The following TTLL5 variants were observed in gnomAD, a reference collection of about 807,000 sequenced individuals.
TTLL5 encodes the protein tubulin polyglutamylase TTLL5.
A neutral mutation model predicts 168.4 loss-of-function variants in TTLL5; 132 were observed. The observed-to-expected ratio is 0.78, with a 90% confidence interval of 0.68 to 0.91. TTLL5 has a LOEUF of 0.91. Ranked by LOEUF, TTLL5 falls within the 40% of genes least tolerant of loss-of-function variation. The pLI, the probability that TTLL5 is intolerant of heterozygous loss-of-function variation, is 0.00. For missense variants in TTLL5, 1,545 were observed against 1,581.5 expected (o/e 0.98, Z 0.39); for synonymous variants, 546 against 558.6 (o/e 0.98, Z 0.32).
At chr14:75,862,288 A>G (rs549395639) in intron 28 of TTLL5, among the ~76,000 whole-genome samples, 5 of 152,328 alleles carry the variant, frequency 3.3e-5, no homozygotes, top group African/African-American at 9.6e-5. Flanking sequence ...CAATGCTGCT[A>G]TGAACATTGG....
Position 75,690,007 on chromosome 14 carries a change from G to A in TTLL5, c.372-185G>A, listed in dbSNP as rs560529245. On this transcript the variant is annotated intron_variant, in intron 5 of 31. Coordinates refer to ENST00000298832, the MANE Select transcript of TTLL5 (RefSeq NM_015072.5). ...AGATTTTATCTTAATGAAAAAATCTGACCAAAAAACCCATTTGATAAAAAT... is the reference window on the plus strand; with the variant it reads ...AGATTTTATCTTAATGAAAAAATCTAACCAAAAAACCCATTTGATAAAAAT... 22 of 580,212 alleles carry A rather than the reference G, an allele frequency of 3.8e-5. No individual in the cohort carries two copies. The South Asian group carries it at 5.5e-4, about 15-fold the overall frequency. The allele number at this position is 580,212 out of a possible 1,614,324, so 35.9% of individuals were successfully genotyped here.
intron 26 of TTLL5, among the ~76,000 whole-genome samples, chr14:75,787,044 A>G (rs1297297871): frequency 6.6e-6 from 1 of 152,098 alleles, no homozygotes; most frequent in African/African-American, 2.4e-5. Flanking sequence ...GAGGCAAGAG[A>G]ATTGCTTGAA....
intron 28 of TTLL5, among the ~76,000 whole-genome samples, chr14:75,824,157 G>A (rs1894986577): frequency 6.6e-6 from 1 of 152,110 alleles, no homozygotes; most frequent in South Asian, 2.1e-4. Flanking sequence ...CTGGGGAGGA[G>A]CAGTAAATAA....
chr14:75,746,259 T>G (rs1889602892), intron 17 of TTLL5, among the ~76,000 whole-genome samples: 1 of 152,198 alleles, frequency 6.6e-6, no homozygotes. Context: ...TTATTATTAT[T>G]ATATACTATG....
chr14:75,746,537 C>G (rs570995686), intron 17 of TTLL5, among the ~76,000 whole-genome samples: 3 of 147,026 alleles, frequency 2.0e-5, no homozygotes, highest in Non-Finnish European at 4.5e-5. Context: ...CTCTTTATAA[C>G]TGATTTCCTC....
At position 75,667,517 on chromosome 14, in the gene TTLL5, A is replaced by G. The variant is rs117543238; in HGVS notation, c.75-1899A>G. Among the ~76,000 whole-genome samples the G allele has an allele frequency of 2.3e-3, 355 of 152,354 alleles. 3 individuals are homozygous for G. In the East Asian group the frequency reaches 0.04, roughly 17 times the overall value. On this transcript the variant is annotated intron_variant, in intron 2 of 31. Coordinates refer to ENST00000298832, the MANE Select transcript of TTLL5 (RefSeq NM_015072.5). ...AGCCACAAAAAAATCCTTCCTGCTA[A>G]AAAAGGTACCCTATCAGCACCGTTT...
intron 12 of TTLL5, among the ~76,000 whole-genome samples, chr14:75,723,005 A>C (rs373081322): frequency 2.0e-5 from 3 of 152,124 alleles, no homozygotes; most frequent in African/African-American, 7.2e-5. Flanking sequence ...GTAACTCTAC[A>C]ATAGTATCTG....
intron 4 of TTLL5, among the ~76,000 whole-genome samples, chr14:75,683,118 T>C (rs532657859): frequency 9.8e-5 from 15 of 152,322 alleles, no homozygotes; most frequent in African/African-American, 3.6e-4. Flanking sequence ...TGTTGCTGTT[T>C]TATTTCTGGC....
intron 17 of TTLL5, among the ~76,000 whole-genome samples, chr14:75,751,813 G>A (rs1389541895): frequency 1.3e-5 from 2 of 152,166 alleles, no homozygotes; most frequent in African/African-American, 4.8e-5. Context: ...GAATTCTGGT[G>A]AGTCCATAAG....
intron 28 of TTLL5, among the ~76,000 whole-genome samples, chr14:75,849,676 G>A (rs887175226): frequency 3.3e-5 from 5 of 152,144 alleles, no homozygotes; most frequent in Non-Finnish European, 5.9e-5. Flanking sequence ...TTCCCTTCAA[G>A]GTAGAATTAC....
chr14:75,719,096 C>T (rs1295242819), intron 10 of TTLL5, among the ~76,000 whole-genome samples: 2 of 152,162 alleles, frequency 1.3e-5, no homozygotes, highest in Non-Finnish European at 2.9e-5. Flanking sequence ...TTCCAACATT[C>T]GTGGGAGGCT....
At chr14:75,757,715 C>A in intron 18 of TTLL5, 2 of 814,438 alleles carry the variant, frequency 2.5e-6, no homozygotes, top group Non-Finnish European at 3.6e-6. Flanking sequence ...CCCTCCTTGG[C>A]CTAATGTCAT....
In TTLL5 at chr14:75,715,432, A is replaced by G. The variant is rs1479127348; in HGVS notation, c.741-2429A>G. Among the ~76,000 whole-genome samples the G allele has an allele frequency of 2.0e-5, 3 of 152,314 alleles. No homozygotes were observed. In the East Asian group the frequency reaches 5.8e-4, roughly 29 times the overall value. On this transcript the variant is annotated intron_variant, in intron 9 of 31. Coordinates refer to ENST00000298832, the MANE Select transcript of TTLL5 (RefSeq NM_015072.5). The stretch of plus-strand genomic sequence containing the variant: ...TTAATCAGAACTTGACCAGTAGGTC[A>G]CATTCAAGACTAATGTGACCTGTGG...
chr14:75,672,835 G>A (rs943421476), intron 3 of TTLL5, among the ~76,000 whole-genome samples: 40 of 151,978 alleles, frequency 2.6e-4, no homozygotes, highest in Non-Finnish European at 4.4e-5. Flanking sequence ...ATTTCTGTAA[G>A]GTCTGTAATA....
chr14:75,886,306 G>A (rs1010690793), intron 30 of TTLL5, among the ~76,000 whole-genome samples: 3 of 152,204 alleles, frequency 2.0e-5, no homozygotes, highest in Non-Finnish European at 4.4e-5. Flanking sequence ...AAAGGGAGTT[G>A]AGAATCAGAA....
intron 6 of TTLL5, among the ~76,000 whole-genome samples, chr14:75,692,545 A>T (rs931235292): frequency 4.6e-5 from 7 of 152,194 alleles, no homozygotes; most frequent in Admixed American, 3.9e-4. Flanking sequence ...ACTGGCCTTT[A>T]GAAAAATAAC....
At chr14:75,780,731 T>A (rs1450088364) in intron 24 of TTLL5, among the ~76,000 whole-genome samples, 2 of 152,224 alleles carry the variant, frequency 1.3e-5, no homozygotes, top group African/African-American at 4.8e-5. Flanking sequence ...AAAAACTGAT[T>A]TGGTTCATAG....
At chr14:75,773,963 G>GATAGAGAGAT (rs35635750) in intron 21 of TTLL5, among the ~76,000 whole-genome samples, 1 of 69,494 alleles carries the variant, frequency 1.4e-5, no homozygotes. Context: ...GAGAAAGAGA[G>GATAGAGAGAT]AGAGAGAGAG....
chr14:75,856,451 C>G (rs545093539), intron 28 of TTLL5, among the ~76,000 whole-genome samples: 5 of 152,178 alleles, frequency 3.3e-5, no homozygotes, highest in African/African-American at 1.2e-4. Context: ...AATAGACATT[C>G]TAACAATATT....
Sources: gnomAD v4.1 joint callset for allele counts (sites outside exome capture counted in the v4.1 genomes callset) on GRCh38, gnomAD v4.1.1 for gene constraint, MANE v1.5 for transcripts, NCBI Gene and HGNC (gene_info 2026-07-23, HGNC 2026-07-21) for gene names.